GSG1L: variants seen among roughly 807,000 people sequenced by gnomAD.
GSG1L encodes GSG1 like.
Under a neutral mutation model 42.1 loss-of-function variants are expected in GSG1L, and 24 were observed. That is an observed-to-expected ratio of 0.57 (90% confidence interval 0.41 to 0.80). The LOEUF is 0.80. GSG1L is among the 30% of genes least tolerant of loss of function. GSG1L has a pLI of 0.00. For missense variants in GSG1L, 445 were observed against 472.2 expected, an observed-to-expected ratio of 0.94 and a Z score of 0.53; for synonymous variants, 215 against 203.5, an observed-to-expected ratio of 1.06 and a Z score of -0.48.
At chr16:27,853,870 C>T (rs2083543367) in intron 3 of GSG1L, among the ~76,000 whole-genome samples, 1 of 152,088 alleles carries the variant, frequency 6.6e-6, no homozygotes, top group South Asian at 2.1e-4. Context: ...TCCAGGGTAA[C>T]CCAGGACAAA....
intron 3 of GSG1L, among the ~76,000 whole-genome samples, chr16:27,855,743 G>A (rs568423388): frequency 0.091 from 12,977 of 142,690 alleles, 675 homozygotes; most frequent in African/African-American, 0.12. Context: ...AAAAAAAAGA[G>A]ACCAACGGAA....
At chr16:27,817,138 G>T (rs72780175) in intron 5 of GSG1L, among the ~76,000 whole-genome samples, 17,675 of 152,234 alleles carry the variant, frequency 0.12, 1,212 homozygotes, top group South Asian at 0.17. Flanking sequence ...ATATCACTAG[G>T]AGGCCACACT....
chr16:28,013,828 G>A (rs767547636), intron 1 of GSG1L, among the ~76,000 whole-genome samples: 1 of 152,252 alleles, frequency 6.6e-6, no homozygotes, highest in Non-Finnish European at 1.5e-5. Flanking sequence ...GCATGGCCAT[G>A]CAAAGCTCTT....
At chr16:27,960,666 G>T (rs747436446) in intron 2 of GSG1L, among the ~76,000 whole-genome samples, 5 of 152,124 alleles carry the variant, frequency 3.3e-5, no homozygotes, top group Non-Finnish European at 7.4e-5. Flanking sequence ...GGGTCTGAGG[G>T]TGCCACGTTA....
chr16:27,830,701 G>A (rs912223038), intron 4 of GSG1L, among the ~76,000 whole-genome samples: 3 of 152,198 alleles, frequency 2.0e-5, no homozygotes, highest in Admixed American at 2.0e-4. Context: ...GACGGGACAA[G>A]GGCTGACCAT....
chr16:27,975,180 G>A (rs1043154739), intron 1 of GSG1L, among the ~76,000 whole-genome samples: 2 of 152,132 alleles, frequency 1.3e-5, no homozygotes, highest in Non-Finnish European at 2.9e-5. Flanking sequence ...TGTAGTCACT[G>A]TCAAAACCGC....
chr16:28,039,946 GT>G (rs2086088288), intron 1 of GSG1L, among the ~76,000 whole-genome samples: 1 of 152,046 alleles, frequency 6.6e-6, no homozygotes, highest in African/African-American at 2.4e-5. Flanking sequence ...CCCTCAACCT[GT>G]CCCCGCGCCC....
chr16:27,933,928 C>G (rs1441717722), intron 2 of GSG1L, among the ~76,000 whole-genome samples: 1 of 152,164 alleles, frequency 6.6e-6, no homozygotes, highest in Non-Finnish European at 1.5e-5. Flanking sequence ...TATTTTGAAC[C>G]CTGCCACCCT....
intron 2 of GSG1L, among the ~76,000 whole-genome samples, chr16:27,947,892 G>C (rs2084903476): frequency 6.6e-6 from 1 of 152,088 alleles, no homozygotes; most frequent in Non-Finnish European, 1.5e-5. Context: ...CATGCACAAG[G>C]GTCAGACTAT....
At chr16:27,905,115 A>AT (rs1298038399) in intron 2 of GSG1L, among the ~76,000 whole-genome samples, 1 of 152,228 alleles carries the variant, frequency 6.6e-6, no homozygotes, top group African/African-American at 2.4e-5. Context: ...CCCAATCATG[A>AT]TTGAGTCCAT....
At chr16:27,901,487 ACT>A (rs1304779914) in intron 2 of GSG1L, among the ~76,000 whole-genome samples, 1 of 152,062 alleles carries the variant, frequency 6.6e-6, no homozygotes, top group Non-Finnish European at 1.5e-5. Flanking sequence ...AGGTTAACCA[ACT>A]CTGCTATTGT....
intron 6 of GSG1L, among the ~76,000 whole-genome samples, chr16:27,793,096 G>C (rs1251555163): frequency 2.0e-5 from 3 of 152,196 alleles, no homozygotes; most frequent in Non-Finnish European, 4.4e-5. Context: ...AGCCCATTGA[G>C]GTGGGAATTC....
At chr16:27,974,597 A>G (rs1864858159) in intron 1 of GSG1L, among the ~76,000 whole-genome samples, 1 of 152,222 alleles carries the variant, frequency 6.6e-6, no homozygotes. Flanking sequence ...CATACCCACC[A>G]TAGCCTTAAA....
intron 5 of GSG1L, among the ~76,000 whole-genome samples, chr16:27,810,553 C>T (rs2083019756): frequency 6.6e-6 from 1 of 152,210 alleles, no homozygotes; most frequent in African/African-American, 2.4e-5. Flanking sequence ...TCCCAGGGAA[C>T]ATACTCTGAA....
chr16:28,027,832 G>A (rs925160558), intron 1 of GSG1L, among the ~76,000 whole-genome samples: 3 of 152,110 alleles, frequency 2.0e-5, no homozygotes, highest in Non-Finnish European at 4.4e-5. Context: ...ACCAGCCTGA[G>A]CAACATAATG....
chr16:27,954,955 T>C lies in GSG1L; in HGVS notation c.397+8201A>G, dbSNP rs762986503. Among the ~76,000 whole-genome samples, 23 of 152,308 alleles carry C rather than the reference T, an allele frequency of 1.5e-4. No individual in the cohort carries two copies. The South Asian group carries it at 2.5e-3, about 16-fold the overall frequency. Reference sequence around the variant, plus strand: ...GATCACAGATGTGAGCCATCATGCCTGGCCCAAATGAACTTTTTGGATGAG... The same window carrying C: ...GATCACAGATGTGAGCCATCATGCCCGGCCCAAATGAACTTTTTGGATGAG... On this transcript the variant is annotated intron_variant, in intron 2 of 6. Coordinates refer to ENST00000447459, the MANE Select transcript of GSG1L (RefSeq NM_001109763.2).
Position 27,807,407 on chromosome 16 carries a change from C to A in GSG1L, c.898+80G>T. 4 of 1,215,784 alleles carry A rather than the reference C, an allele frequency of 3.3e-6. No individual in the cohort carries two copies. The Admixed American group carries it at 5.7e-5, about 17-fold the overall frequency. The allele number at this position is 1,215,784 out of a possible 1,614,324, so 75.3% of individuals were successfully genotyped here. Reference sequence around the variant, plus strand: ...GGTGCAGTGGGGGGTGGGGGCTGGCCTGACTCTTCTCCAGGGATTCTTTCT... The same window carrying A: ...GGTGCAGTGGGGGGTGGGGGCTGGCATGACTCTTCTCCAGGGATTCTTTCT... On this transcript the variant is annotated intron_variant, in intron 6 of 6. Coordinates refer to ENST00000447459, the MANE Select transcript of GSG1L (RefSeq NM_001109763.2).
intron 2 of GSG1L, among the ~76,000 whole-genome samples, chr16:27,921,535 A>G (rs765366498): frequency 1.3e-5 from 2 of 152,232 alleles, no homozygotes; most frequent in Admixed American, 6.5e-5. Context: ...CCCCAGGTAC[A>G]TGAATTTCCC....
At chr16:27,867,828 C>G (rs1050208159) in intron 3 of GSG1L, among the ~76,000 whole-genome samples, 1 of 152,182 alleles carries the variant, frequency 6.6e-6, no homozygotes, top group Non-Finnish European at 1.5e-5. Flanking sequence ...TGAGGCCAGC[C>G]ACTTCCTGGC....
Sources: gnomAD v4.1 joint callset for allele counts (sites outside exome capture counted in the v4.1 genomes callset) on GRCh38, gnomAD v4.1.1 for gene constraint, MANE v1.5 for transcripts, NCBI Gene and HGNC (gene_info 2026-07-23, HGNC 2026-07-21) for gene names.